GSTP1: variants seen among roughly 807,000 people sequenced by gnomAD.
The protein encoded by GSTP1 is glutathione S-transferase P.
Under a neutral mutation model 29.4 loss-of-function variants are expected in GSTP1, and 28 were observed. That is an observed-to-expected ratio of 0.95 (90% CI 0.71 to 1.30). The LOEUF is 1.30. Ranked by LOEUF, GSTP1 falls within the 50% of genes most tolerant of loss-of-function variation. GSTP1 has a pLI of 0.00. For missense variants in GSTP1, 267 were observed against 266.1 expected (o/e 1.00, Z -0.02); for synonymous variants, 122 against 117.0 (o/e 1.04, Z -0.28).
At position 67,586,104 on chromosome 11, in the gene GSTP1, G is replaced by A. The variant is rs770427889; in HGVS notation, c.337G>A (p.Glu113Lys). Residue 113 changes from glutamate to lysine, a missense_variant and splice_region_variant, in exon 6 of 7, where the codon GAG becomes AAG. Coordinates refer to ENST00000398606, the MANE Select transcript of GSTP1 (RefSeq NM_000852.4). ...KYISLIYTNY[E>K]AGKDDYVKAL... is the part of the protein sequence containing the mutation. ...GATGATACATGGTGGTGTCTGGCAG[G>A]AGGCGGGCAAGGATGACTATGTGAA... 6.2e-7 allele frequency: 1 copy of A among 1,610,812 alleles called. No homozygotes were observed.
rs1695 is a variant in GSTP1 at position 67,585,218 on chromosome 11, A to T, written c.313A>T (p.Ile105Phe). 1 of 1,608,518 alleles carries T rather than the reference A, an allele frequency of 6.2e-7. No individual in the cohort carries two copies. The highest frequency in any genetic ancestry group is 1.3e-5 in the African/African-American group (1 of 74,702). The change falls in exon 5 of 7, where the codon ATC (isoleucine) becomes TTC (phenylalanine). Residue 105 changes from isoleucine to phenylalanine, a missense_variant. Ile to Phe is a conservative substitution (Grantham distance 21, BLOSUM62 0). Transcript: ENST00000398606. ...DGVEDLRCKYISLIYTNYEAG... is the reference protein window; with the variant it reads ...DGVEDLRCKYFSLIYTNYEAG... ...CGTGGAGGACCTCCGCTGCAAATAC[A>T]TCTCCCTCATCTACACCAACTATGT...
At position 67,584,500 on chromosome 11, in the gene GSTP1, A is replaced by G; in HGVS notation, c.74A>G (p.Gln25Arg). The part of the protein sequence containing the change: ...CAALRMLLAD[Q>R]GQSWKEEVVT... ...GCCCTGCGCATGCTGCTGGCAGATCAGGGCCAGAGCTGGAAGGAGGAGGTG... is the reference window on the plus strand; with the variant it reads ...GCCCTGCGCATGCTGCTGGCAGATCGGGGCCAGAGCTGGAAGGAGGAGGTG... Residue 25 changes from glutamine (Q) to arginine (R), a missense_variant, in exon 3 of 7, where the codon CAG becomes CGG. By Grantham distance (43) the Gln-to-Arg change is conservative. Transcript: ENST00000398606. The G allele has an allele frequency of 7.0e-6, 11 of 1,565,068 alleles. No individual in the cohort carries two copies. Among genetic ancestry groups the G allele is most frequent in the East Asian group, 2.4e-5 (1 of 41,512 alleles).
intron 5 of GSTP1, 27 bp downstream of exon 5, chr11:67,585,268 C>T (rs1438011605): frequency 6.9e-7 from 1 of 1,454,150 alleles, no homozygotes; most frequent in African/African-American, 1.4e-5. Flanking sequence ...GGGTTGGGCA[C>T]TGGGGGCTGA....
At chr11:67,585,283 A>C in intron 5 of GSTP1, 42 bp downstream of exon 5, 2 of 1,335,900 alleles carry the variant, frequency 1.5e-6, no homozygotes, top group Middle Eastern at 1.8e-4. Flanking sequence ...GGCTGAACAA[A>C]GAAAGGGGCT....
At chr11:67,585,320 T>C (rs1193628953) in intron 5 of GSTP1, 79 bp downstream of exon 5, 1 of 1,009,384 alleles carries the variant, frequency 9.9e-7, no homozygotes, top group Non-Finnish European at 1.5e-6. Flanking sequence ...CCCTTACCCC[T>C]CAGGTGGCTT....
At chr11:67,584,825 G>C in intron 4 of GSTP1, 53 bp downstream of exon 4, 1 of 1,326,910 alleles carries the variant, frequency 7.5e-7, no homozygotes, top group Non-Finnish European at 1.1e-6. Flanking sequence ...CTCTGCCCCC[G>C]GAGCCCTTTT....
At chr11:67,585,109 G>C (rs368844448) in intron 4 of GSTP1, 29 bp from the exon 5 acceptor site, 1 of 1,439,304 alleles carries the variant, frequency 6.9e-7, no homozygotes, top group Non-Finnish European at 9.8e-7. Flanking sequence ...GCCCAGTCAC[G>C]CGGCCTGCTC....
intron 6 of GSTP1, 84 bp downstream of exon 6, chr11:67,586,295 G>A: frequency 6.5e-7 from 1 of 1,536,530 alleles, no homozygotes; most frequent in Non-Finnish European, 9.0e-7. Context: ...GTTTAGCAAA[G>A]CAGAGCAGAC....
rs1344414370 is a variant in GSTP1, at chr11:67,585,275, C to T, written c.336+34C>T. The T allele has an allele frequency of 9.2e-6, 13 of 1,405,444 alleles. No homozygotes were observed. In the East Asian group the frequency reaches 3.0e-4, roughly 32 times the overall value. 87.1% of individuals were successfully genotyped at this position (1,405,444 alleles called of 1,614,324 possible). On this transcript the variant is annotated intron_variant, in intron 5 of 6. Coordinates refer to ENST00000398606, the MANE Select transcript of GSTP1 (RefSeq NM_000852.4). ...CTGCACCAGGGTTGGGCACTGGGGGCTGAACAAAGAAAGGGGCTTCTTGTG... is the reference window on the plus strand; with the variant it reads ...CTGCACCAGGGTTGGGCACTGGGGGTTGAACAAAGAAAGGGGCTTCTTGTG...
chr11:67,584,164 T>A lies in GSTP1; in HGVS notation c.32T>A (p.Val11Asp). 1 of 1,612,590 alleles carries A rather than the reference T, an allele frequency of 6.2e-7. No homozygotes were observed. Among genetic ancestry groups the A allele is most frequent in the Non-Finnish European group, 8.5e-7 (1 of 1,178,682 alleles). ...CCCTACACCGTGGTCTATTTCCCAG[T>A]TCGAGGTAGGAGCATGTGTCTGGCA... MPPYTVVYFP[V>D]RGRCAALRML... Residue 11 changes from valine to aspartate, a missense_variant, in exon 2 of 7, where the codon GTT (valine) becomes GAT (aspartate). Val to Asp is a radical substitution (Grantham distance 152, BLOSUM62 -3). Coordinates refer to ENST00000398606, the MANE Select transcript of GSTP1 (RefSeq NM_000852.4).
At position 67,584,538 on chromosome 11, in the gene GSTP1, A is replaced by G; in HGVS notation, c.112A>G (p.Thr38Ala). Residue 38 changes from threonine (T) to alanine (A), a missense_variant, in exon 3 of 7, where the codon ACG (threonine) becomes GCG (alanine). By Grantham distance (58) the Thr-to-Ala change is moderately conservative (BLOSUM62 0). Coordinates refer to ENST00000398606, the MANE Select transcript of GSTP1 (RefSeq NM_000852.4). Reference protein sequence around the residue: ...SWKEEVVTVETWQEGSLKASC... With the variant: ...SWKEEVVTVEAWQEGSLKASC... ...GAAGGAGGAGGTGGTGACCGTGGAG[A>G]CGTGGCAGGAGGGCTCACTCAAAGC... The G allele has an allele frequency of 6.3e-7, 1 of 1,597,660 alleles. No homozygotes were observed. The highest frequency in any genetic ancestry group is 8.5e-7 in the Non-Finnish European group (1 of 1,172,730).
In GSTP1 at chr11:67,586,158, G is replaced by A. The variant is rs1867463717; in HGVS notation, c.391G>A (p.Glu131Lys). 6.2e-7 allele frequency: 1 copy of A among 1,613,966 alleles called. No individual in the cohort carries two copies. The highest frequency in any genetic ancestry group is 8.5e-7 in the Non-Finnish European group (1 of 1,179,988). The change falls in exon 6 of 7, where the codon GAG (glutamate) becomes AAG (lysine). Residue 131 changes from glutamate (E) to lysine (K), a missense_variant. Physicochemically the swap from Glu to Lys is moderately conservative, Grantham distance 56. Coordinates refer to ENST00000398606, the MANE Select transcript of GSTP1 (RefSeq NM_000852.4). ...ACTGCCCGGGCAACTGAAGCCTTTT[G>A]AGACCCTGCTGTCCCAGAACCAGGG... ...KALPGQLKPF[E>K]TLLSQNQGGK...
At position 67,586,518 on chromosome 11, in the gene GSTP1, G is replaced by C. The variant is rs772487496; in HGVS notation, c.574G>C (p.Ala192Pro). The C allele has an allele frequency of 1.2e-6, 2 of 1,614,196 alleles. No individual in the cohort carries two copies. The highest frequency in any genetic ancestry group is 1.7e-6 in the Non-Finnish European group (2 of 1,180,026). ...GRLSARPKLKAFLASPEYVNL... is the reference protein window; with the variant it reads ...GRLSARPKLKPFLASPEYVNL... ...CCTCAGTGCCCGGCCCAAGCTCAAG[G>C]CCTTCCTGGCCTCCCCTGAGTACGT... Residue 192 changes from alanine (A) to proline (P), a missense_variant, in exon 7 of 7, where the codon GCC (alanine) becomes CCC (proline). Transcript: ENST00000398606.
chr11:67,585,285 A>C (rs1400217458), intron 5 of GSTP1, 44 bp downstream of exon 5: 1 of 1,332,708 alleles, frequency 7.5e-7, no homozygotes, highest in Admixed American at 1.7e-5. Context: ...CTGAACAAAG[A>C]AAGGGGCTTC....
At chr11:67,585,571 T>C (rs1189516858) in intron 5 of GSTP1, among the ~76,000 whole-genome samples, 1 of 152,204 alleles carries the variant, frequency 6.6e-6, no homozygotes, top group Non-Finnish European at 1.5e-5. Flanking sequence ...CGCCAGTTTC[T>C]GGATGGAGGT....
Position 67,586,157 on chromosome 11 carries a change from T to A in GSTP1, c.390T>A (p.Phe130Leu), listed in dbSNP as rs1392957952. Residue 130 changes from phenylalanine to leucine, a missense_variant, in exon 6 of 7, where the codon TTT becomes TTA. Transcript: ENST00000398606. Reference sequence around the variant, plus strand: ...CACTGCCCGGGCAACTGAAGCCTTTTGAGACCCTGCTGTCCCAGAACCAGG... The same window carrying A: ...CACTGCCCGGGCAACTGAAGCCTTTAGAGACCCTGCTGTCCCAGAACCAGG... ...VKALPGQLKPFETLLSQNQGG... is the reference protein window; with the variant it reads ...VKALPGQLKPLETLLSQNQGG... The A allele has an allele frequency of 2.5e-6, 4 of 1,613,924 alleles. No homozygotes were observed. In the Admixed American group the frequency reaches 6.7e-5, roughly 27 times the overall value.
rs71534294 is a variant in GSTP1, at chr11:67,586,416, G to C, written c.472G>C (p.Asp158His). ...QISFADYNLLDLLLIHEVLAP... is the reference protein window; with the variant it reads ...QISFADYNLLHLLLIHEVLAP... ...CTCCTTCGCTGACTACAACCTGCTG[G>C]ACTTGCTGCTGATCCATGAGGTCCT... The change falls in exon 7 of 7, where the codon GAC becomes CAC. Residue 158 changes from aspartate to histidine, a missense_variant. Coordinates refer to ENST00000398606, the MANE Select transcript of GSTP1 (RefSeq NM_000852.4). The C allele has an allele frequency of 2.4e-5, 39 of 1,613,948 alleles. 1 individual carries two copies. The highest frequency in any genetic ancestry group is 1.6e-4 in the Middle Eastern group (1 of 6,078).
Position 67,586,510 on chromosome 11 carries a change from A to G in GSTP1, c.566A>G (p.Lys189Arg). 1.2e-6 allele frequency: 2 copies of G among 1,614,214 alleles called. No individual in the cohort carries two copies. Among genetic ancestry groups the G allele is most frequent in the South Asian group, 1.1e-5 (1 of 91,082 alleles). ...AYVGRLSARP[K>R]LKAFLASPEY... ...GTGGGGCGCCTCAGTGCCCGGCCCA[A>G]GCTCAAGGCCTTCCTGGCCTCCCCT... Residue 189 changes from lysine (K) to arginine (R), a missense_variant, in exon 7 of 7, where the codon AAG (lysine) becomes AGG (arginine). Lys to Arg is a conservative substitution (Grantham distance 26). Transcript: ENST00000398606.
chr11:67,585,079 T>C, intron 4 of GSTP1, 59 bp from the exon 5 acceptor site: 1 of 1,110,902 alleles, frequency 9.0e-7, no homozygotes, highest in South Asian at 1.3e-5. Context: ...CCATCCCCAG[T>C]GACTGTGTGT....
Sources: allele counts gnomAD v4.1 joint callset (sites outside exome capture counted in the v4.1 genomes callset), GRCh38; gene constraint gnomAD v4.1.1; transcripts MANE v1.5; gene names NCBI Gene and HGNC (gene_info 2026-07-23, HGNC 2026-07-21).